AMBP: variants seen among roughly 807,000 people sequenced by gnomAD.
AMBP encodes alpha-1-microglobulin/bikunin precursor, also known as protein AMBP.
In AMBP, 37 loss-of-function variants were observed where a neutral mutation model predicts 46.3. The ratio of observed to expected loss-of-function variants is 0.80; its 90% CI spans 0.61 to 1.05. The LOEUF (loss-of-function observed/expected upper bound fraction) is 1.05. Among genes scored for constraint, AMBP ranks in the 50% least tolerant of loss-of-function variants. AMBP has a pLI of 0.00. For synonymous variants in AMBP, 174 were observed against 175.9 expected, an observed-to-expected ratio of 0.99 and a Z score of 0.09; for missense variants, 475 against 461.2, an observed-to-expected ratio of 1.03 and a Z score of -0.27.
chr9:114,069,372 G>A (rs1846721823), intron 6 of AMBP, among the ~76,000 whole-genome samples: 1 of 152,148 alleles, frequency 6.6e-6, no homozygotes, highest in South Asian at 2.1e-4. Context: ...ATTATTGAGT[G>A]TTTTACTTCT....
rs568172818 is a variant in AMBP at position 114,070,915 on chromosome 9, G to C, written c.557-1170C>G. ...CATTCCTGGAAGCACCCCTTGGGCA[G>C]GGCTGCGAGCCAGGCAAGGGGAGCC... On this transcript the variant is annotated intron_variant, in intron 5 of 9. Coordinates refer to ENST00000265132, the MANE Select transcript of AMBP (RefSeq NM_001633.4). Among the ~76,000 whole-genome samples the C allele has an allele frequency of 2.0e-3, 300 of 152,296 alleles. 1 individual carries two copies. The highest frequency in any genetic ancestry group is 6.9e-3 in the African/African-American group (288 of 41,568).
At chr9:114,075,639 C>T (rs993102142) in intron 2 of AMBP, among the ~76,000 whole-genome samples, 1 of 152,196 alleles carries the variant, frequency 6.6e-6, no homozygotes, top group Non-Finnish European at 1.5e-5. Context: ...GACCCCATTC[C>T]CTGGGGTTCC....
intron 4 of AMBP, among the ~76,000 whole-genome samples, chr9:114,073,339 C>T (rs1247741057): frequency 7.2e-5 from 11 of 151,822 alleles, no homozygotes; most frequent in African/African-American, 2.4e-4. Flanking sequence ...CTCTGCCTCC[C>T]GGGTTCCCGC....
chr9:114,077,975 C>T, intron 1 of AMBP, 118 bp downstream of exon 1: 1 of 977,460 alleles, frequency 1.0e-6, no homozygotes, highest in Non-Finnish European at 1.6e-6. Flanking sequence ...TCCCATAATC[C>T]CAGATGATCT....
At chr9:114,074,876 G>C (rs746000339) in intron 3 of AMBP, 84 bp downstream of exon 3, 15 of 1,239,438 alleles carry the variant, frequency 1.2e-5, no homozygotes, top group Non-Finnish European at 1.8e-5. Flanking sequence ...GGGAGGAAAG[G>C]TTACAGAGGC....
At chr9:114,061,355 G>T (rs775441443) in intron 8 of AMBP, 69 bp downstream of exon 8, 9 of 1,602,188 alleles carry the variant, frequency 5.6e-6, no homozygotes, top group Middle Eastern at 1.7e-4. Flanking sequence ...TTTTCAATTC[G>T]CAGGTGGTTT....
At chr9:114,074,291 C>T (rs1846780700) in intron 3 of AMBP, 139 bp from the exon 4 acceptor site, 1 of 662,150 alleles carries the variant, frequency 1.5e-6, no homozygotes, top group Admixed American at 2.4e-5. Flanking sequence ...CTCCATTTAT[C>T]AATTCATCCA....
At chr9:114,062,362 C>T (rs1212841989) in intron 7 of AMBP, among the ~76,000 whole-genome samples, 1 of 152,176 alleles carries the variant, frequency 6.6e-6, no homozygotes, top group Admixed American at 6.5e-5. Context: ...ATGTTTAGCC[C>T]CACAGGCTAT....
intron 6 of AMBP, among the ~76,000 whole-genome samples, chr9:114,066,639 A>G (rs927718615): frequency 1.3e-5 from 2 of 152,182 alleles, no homozygotes; most frequent in African/African-American, 4.8e-5. Context: ...ACAGAATGAA[A>G]TGACGGTCTG....
chr9:114,060,803 G>A, intron 9 of AMBP, 122 bp downstream of exon 9: 1 of 1,160,880 alleles, frequency 8.6e-7, no homozygotes, highest in South Asian at 1.5e-5. Context: ...GAGAGTAGAT[G>A]GGCTGCTTAC....
At chr9:114,075,332 C>T (rs1036139401) in intron 2 of AMBP, among the ~76,000 whole-genome samples, 1 of 152,226 alleles carries the variant, frequency 6.6e-6, no homozygotes, top group Non-Finnish European at 1.5e-5. Flanking sequence ...CAAATCTACA[C>T]ATTATACTGA....
intron 6 of AMBP, among the ~76,000 whole-genome samples, chr9:114,064,732 A>T (rs1020618604): frequency 7.9e-5 from 12 of 152,198 alleles, no homozygotes; most frequent in Admixed American, 1.3e-4. Context: ...CAAGGAAAGG[A>T]TCCCAACTTA....
intron 5 of AMBP, 137 bp downstream of exon 5, chr9:114,072,788 G>T: frequency 1.5e-6 from 1 of 682,138 alleles, no homozygotes; most frequent in South Asian, 2.0e-5. Flanking sequence ...CTGGCTTCCT[G>T]ATTCACTATG....
At chr9:114,060,420 C>G in intron 9 of AMBP, 150 bp from the exon 10 acceptor site, 1 of 862,546 alleles carries the variant, frequency 1.2e-6, no homozygotes, top group Non-Finnish European at 1.8e-6. Context: ...TTTTTTTCCT[C>G]TTCTGGTTTA....
chr9:114,064,182 T>TG (rs2134846727), intron 6 of AMBP, among the ~76,000 whole-genome samples: 1 of 152,334 alleles, frequency 6.6e-6, no homozygotes, highest in Non-Finnish European at 1.5e-5. Flanking sequence ...TTCTCAGCCT[T>TG]GCAAGGATTC....
rs1465094033 is a variant in AMBP, at chr9:114,076,618, G to C, written c.240C>G (p.Ser80Arg). ...CTCACCGCCAACGAGTGCTGGTCAT[G>C]CTGATCTCCGCCTCTGTAGCGCCCT... ...LGEGATEAEI[S>R]MTSTRWRKGV... is the part of the protein sequence containing the mutation. Residue 80 changes from serine (S) to arginine (R), a missense_variant, in exon 2 of 10, where the codon AGC becomes AGG. Transcript: ENST00000265132. The C allele has an allele frequency of 4.3e-6, 7 of 1,613,892 alleles. No homozygotes were observed. Among genetic ancestry groups the C allele is most frequent in the Non-Finnish European group, 5.9e-6 (7 of 1,179,960 alleles).
intron 6 of AMBP, among the ~76,000 whole-genome samples, chr9:114,066,187 T>C (rs1206321701): frequency 2.0e-5 from 3 of 152,208 alleles, no homozygotes; most frequent in East Asian, 1.9e-4. Context: ...GGCTGAGGCA[T>C]TGTAACTGCA....
chr9:114,067,608 T>A (rs1464714540), intron 6 of AMBP, among the ~76,000 whole-genome samples: 2 of 152,170 alleles, frequency 1.3e-5, no homozygotes, highest in Non-Finnish European at 2.9e-5. Flanking sequence ...TTTGTTAAGA[T>A]GTTGATTTTA....
intron 3 of AMBP, 57 bp from the exon 4 acceptor site, chr9:114,074,209 TG>T: frequency 7.2e-7 from 1 of 1,398,086 alleles, no homozygotes; most frequent in Non-Finnish European, 1.0e-6. Context: ...CTCTTCTAGC[TG>T]GAGGTCCGTC....
Sources: gnomAD v4.1 joint callset for allele counts (sites outside exome capture counted in the v4.1 genomes callset) on GRCh38, gnomAD v4.1.1 for gene constraint, MANE v1.5 for transcripts, NCBI Gene and HGNC (gene_info 2026-07-23, HGNC 2026-07-21) for gene names.